Variants in PKHD1 observed in about 807,000 individuals in gnomAD.
PKHD1 encodes the protein fibrocystin.
PKHD1 carries 291 observed loss-of-function variants against 412.0 expected under a neutral mutation model. That is an observed-to-expected ratio of 0.71 (90% confidence interval 0.64 to 0.78). The LOEUF (loss-of-function observed/expected upper bound fraction) is 0.78, where lower values mean the gene tolerates loss of function less well. Ranked by LOEUF, PKHD1 falls within the 30% of genes least tolerant of loss-of-function variation. The pLI is 0.00. For missense variants in PKHD1, 4,825 were observed against 4,950.7 expected, an observed-to-expected ratio of 0.97 and a Z score of 0.76; for synonymous variants, 1,777 against 1,821.5, an observed-to-expected ratio of 0.98 and a Z score of 0.62.
At chr6:51,914,799 G>A (rs928016897) in intron 37 of PKHD1, among the ~76,000 whole-genome samples, 1 of 151,972 alleles carries the variant, frequency 6.6e-6, no homozygotes, top group African/African-American at 2.4e-5. Flanking sequence ...TAACCGGATC[G>A]TCCTGCCTCT....
intron 28 of PKHD1, among the ~76,000 whole-genome samples, chr6:52,034,296 G>C (rs1208875472): frequency 6.7e-6 from 1 of 148,944 alleles, no homozygotes; most frequent in Non-Finnish European, 1.5e-5. Context: ...AAATGGTATT[G>C]TAACTATATT....
intron 51 of PKHD1, among the ~76,000 whole-genome samples, chr6:51,835,961 T>C (rs1769130185): frequency 6.6e-6 from 1 of 152,196 alleles, no homozygotes; most frequent in East Asian, 1.9e-4. Context: ...TTTTGAGAAT[T>C]TGGCTTTTTG....
At chr6:51,728,457 G>A (rs1353194881) in intron 60 of PKHD1, among the ~76,000 whole-genome samples, 1 of 152,162 alleles carries the variant, frequency 6.6e-6, no homozygotes, top group African/African-American at 2.4e-5. Context: ...CTGCTAGCAT[G>A]GATAATAAAC....
chr6:51,874,915 G>A (rs1360892697), intron 46 of PKHD1, among the ~76,000 whole-genome samples: 2 of 85,002 alleles, frequency 2.4e-5, no homozygotes. Flanking sequence ...CGCACCGTGC[G>A]CGAGCCGAAG....
At chr6:51,705,141 A>C (rs919849820) in intron 60 of PKHD1, among the ~76,000 whole-genome samples, 2 of 152,084 alleles carry the variant, frequency 1.3e-5, no homozygotes, top group East Asian at 1.9e-4. Context: ...TGTTGTGGAC[A>C]TTATGTTCCC....
At chr6:51,668,089 A>C (rs372237844) in intron 60 of PKHD1, among the ~76,000 whole-genome samples, 5 of 152,252 alleles carry the variant, frequency 3.3e-5, no homozygotes, top group African/African-American at 9.6e-5. Flanking sequence ...GAAGAAAGTC[A>C]TTGGTAGCTT....
At chr6:51,799,027 C>A (rs1244550939) in intron 52 of PKHD1, among the ~76,000 whole-genome samples, 2 of 152,118 alleles carry the variant, frequency 1.3e-5, no homozygotes, top group African/African-American at 2.4e-5. Flanking sequence ...AATGTACCAA[C>A]AAATTTCCCA....
chr6:51,760,772 C>T (rs1386744137), intron 55 of PKHD1, among the ~76,000 whole-genome samples: 2 of 152,012 alleles, frequency 1.3e-5, no homozygotes, highest in Non-Finnish European at 2.9e-5. Flanking sequence ...TCAATTATGA[C>T]ATTCAATTTA....
intron 37 of PKHD1, among the ~76,000 whole-genome samples, chr6:51,921,063 CA>C (rs1352368282): frequency 6.6e-6 from 1 of 151,896 alleles, no homozygotes; most frequent in East Asian, 1.9e-4. Context: ...TTAATCTTTT[CA>C]AAAAACCAGC....
At chr6:51,924,268 T>C (rs1785177449) in intron 37 of PKHD1, among the ~76,000 whole-genome samples, 1 of 152,212 alleles carries the variant, frequency 6.6e-6, no homozygotes, top group Non-Finnish European at 1.5e-5. Context: ...GTTGAGTTTC[T>C]TGTGGTACTC....
intron 36 of PKHD1, among the ~76,000 whole-genome samples, chr6:51,956,810 A>G (rs1321461879): frequency 1.3e-5 from 2 of 152,026 alleles, no homozygotes; most frequent in African/African-American, 4.8e-5. Context: ...CATAGACATT[A>G]CAGGCAAAGG....
At chr6:51,632,829 AG>A (rs1768091630) in intron 64 of PKHD1, 106 bp from the exon 65 acceptor site, 2 of 789,576 alleles carry the variant, frequency 2.5e-6, no homozygotes, top group African/African-American at 3.5e-5. Context: ...GGGATATAGT[AG>A]GTGTTCAATA....
chr6:51,981,408 C>T lies in PKHD1; in HGVS notation c.5752-21382G>A, dbSNP rs1423382470. Among the ~76,000 whole-genome samples the T allele has an allele frequency of 4.1e-5, 6 of 145,164 alleles. No individual in the cohort carries two copies. In the East Asian group the frequency reaches 6.0e-4, roughly 15 times the overall value. On this transcript the variant is annotated intron_variant, in intron 35 of 66. Coordinates refer to ENST00000371117, the MANE Select transcript of PKHD1 (RefSeq NM_138694.4). ...CCTCTGATGCCGAGCCAAGGCTGGA[C>T]GGTGCTGCTGCCATCTCGGCTCACT...
Position 51,618,925 on chromosome 6 carries a change from A to G in PKHD1, c.*156T>C, listed in dbSNP as rs138142029. The G allele has an allele frequency of 2.1e-5, 15 of 729,576 alleles. No individual in the cohort carries two copies. The East Asian group carries it at 3.9e-4, about 19-fold the overall frequency. The allele number at this position is 729,576 out of a possible 1,614,324, so 45.2% of individuals were successfully genotyped here. A position where few individuals can be genotyped will look rare whatever the true frequency, so the allele number is the denominator to read the frequency against. On this transcript the variant is annotated 3_prime_UTR_variant, in exon 67 of 67. Transcript: ENST00000371117. ...CATTTTTCAGTCTGTAAGCATTTATATGACTGTTTTCCATTTTAAAGTTGA... is the reference window on the plus strand; with the variant it reads ...CATTTTTCAGTCTGTAAGCATTTATGTGACTGTTTTCCATTTTAAAGTTGA...
chr6:52,016,917 C>T (rs116070069), intron 34 of PKHD1, among the ~76,000 whole-genome samples: 3,241 of 152,166 alleles, frequency 0.021, 58 homozygotes, highest in South Asian at 0.085. Context: ...AATGCTTATA[C>T]GCTTATGGCT....
chr6:51,641,332 C>T (rs929673024), intron 63 of PKHD1, among the ~76,000 whole-genome samples: 3 of 151,930 alleles, frequency 2.0e-5, no homozygotes, highest in Non-Finnish European at 2.9e-5. Flanking sequence ...GCTTGGTGTC[C>T]GTAGAATAAA....
intron 35 of PKHD1, among the ~76,000 whole-genome samples, chr6:51,986,065 C>T (rs754278921): frequency 2.6e-5 from 4 of 152,002 alleles, no homozygotes; most frequent in Admixed American, 6.5e-5. Flanking sequence ...AAGGTAAAAA[C>T]GTAATGGGAT....
chr6:51,784,693 C>T (rs192405036), intron 53 of PKHD1, among the ~76,000 whole-genome samples: 95 of 152,264 alleles, frequency 6.2e-4, no homozygotes, highest in African/African-American at 2.2e-3. Flanking sequence ...AAACTCATGA[C>T]GTTCACTATA....
intron 35 of PKHD1, among the ~76,000 whole-genome samples, chr6:51,978,854 G>A (rs2499473): frequency 0.016 from 2,436 of 152,184 alleles, 72 homozygotes; most frequent in African/African-American, 0.055. Flanking sequence ...ACTCTGAACC[G>A]AAAGGTTTGA....
Sources: gnomAD v4.1 joint callset for allele counts (sites outside exome capture counted in the v4.1 genomes callset) on GRCh38, gnomAD v4.1.1 for gene constraint, MANE v1.5 for transcripts, NCBI Gene and HGNC (gene_info 2026-07-23, HGNC 2026-07-21) for gene names.